The following PBX3 variants were observed in gnomAD, a reference collection of about 807,000 sequenced individuals.
PBX3 encodes PBX homeobox 3.
In PBX3, 14 loss-of-function variants were observed where a neutral mutation model predicts 48.5. The observed-to-expected ratio is 0.29, with a 90% CI of 0.19 to 0.45. PBX3 has a LOEUF of 0.45. Ranked by LOEUF, PBX3 falls within the 20% of genes least tolerant of loss-of-function variation. PBX3 has a pLI of 1.00. For missense variants in PBX3, 386 were observed against 546.7 expected, an observed-to-expected ratio of 0.71 and a Z score of 2.93; for synonymous variants, 210 against 200.3, an observed-to-expected ratio of 1.05 and a Z score of -0.41.
At chr9:125,777,860 G>T (rs1837118654) in intron 2 of PBX3, among the ~76,000 whole-genome samples, 1 of 151,524 alleles carries the variant, frequency 6.6e-6, no homozygotes, top group Non-Finnish European at 1.5e-5. Flanking sequence ...CTAATTTGTT[G>T]GTATATAATT....
Position 125,954,538 on chromosome 9 carries a change from TTTTG to T in PBX3, c.844-6134_844-6131del, listed in dbSNP as rs1385788605. On this transcript the variant is annotated intron_variant, in intron 5 of 8. Transcript: ENST00000373489. ...AGACTTGAAGAGCAAGTTTATGTTT[TTTTG>T]TTTGTTTGTTTTGAGACAGAGTCTC... Among the ~76,000 whole-genome samples, 23 of 152,198 alleles carry T rather than the reference TTTTG, an allele frequency of 1.5e-4. No individual in the cohort carries two copies. The East Asian group carries it at 4.5e-3, about 29-fold the overall frequency.
At chr9:125,807,055 G>A (rs2132113732) in intron 2 of PBX3, among the ~76,000 whole-genome samples, 1 of 152,366 alleles carries the variant, frequency 6.6e-6, no homozygotes, top group East Asian at 1.9e-4. Context: ...GGGCACAGTG[G>A]CCCATGCCTG....
At chr9:125,925,586 T>C (rs1841557645) in intron 3 of PBX3, among the ~76,000 whole-genome samples, 1 of 152,178 alleles carries the variant, frequency 6.6e-6, no homozygotes, top group Admixed American at 6.6e-5. Flanking sequence ...CCCAAGTAGC[T>C]GGGACCACAG....
intron 2 of PBX3, among the ~76,000 whole-genome samples, chr9:125,835,015 C>CAAAAAAAAAA (rs745638368): frequency 7.9e-5 from 2 of 25,170 alleles, no homozygotes; most frequent in Admixed American, 5.8e-4. Context: ...AACTCTGTCT[C>CAAAAAAAAAA]AAAAAAAAAA....
intron 2 of PBX3, among the ~76,000 whole-genome samples, chr9:125,869,461 A>G (rs947103005): frequency 6.6e-6 from 1 of 152,216 alleles, no homozygotes; most frequent in Non-Finnish European, 1.5e-5. Flanking sequence ...TAACATCACC[A>G]AGGAGTATTA....
intron 2 of PBX3, among the ~76,000 whole-genome samples, chr9:125,790,211 A>G (rs1311987122): frequency 1.3e-5 from 2 of 152,162 alleles, no homozygotes. Flanking sequence ...TCTGACAGAA[A>G]GCCATCCAAA....
At chr9:125,828,158 T>C (rs1217282052) in intron 2 of PBX3, among the ~76,000 whole-genome samples, 2 of 151,884 alleles carry the variant, frequency 1.3e-5, no homozygotes, top group East Asian at 1.9e-4. Flanking sequence ...ACCAACAAGA[T>C]AAACACAGAA....
At chr9:125,907,463 A>G (rs1841101117) in intron 2 of PBX3, among the ~76,000 whole-genome samples, 1 of 152,092 alleles carries the variant, frequency 6.6e-6, no homozygotes, top group Non-Finnish European at 1.5e-5. Context: ...TTTAATTAAA[A>G]AAAGACTTTA....
At chr9:125,801,825 A>ACACACG (rs61076982) in intron 2 of PBX3, among the ~76,000 whole-genome samples, 1 of 151,700 alleles carries the variant, frequency 6.6e-6, no homozygotes, top group Non-Finnish European at 1.5e-5. Context: ...ACACACACAC[A>ACACACG]TATTCTTAAC....
chr9:125,808,964 C>G (rs945953093), intron 2 of PBX3, among the ~76,000 whole-genome samples: 14 of 152,066 alleles, frequency 9.2e-5, no homozygotes, highest in Admixed American at 5.9e-4. Context: ...TTAGGAACAC[C>G]AGACAGCACT....
chr9:125,879,295 T>C (rs1840328123), intron 2 of PBX3, among the ~76,000 whole-genome samples: 1 of 152,016 alleles, frequency 6.6e-6, no homozygotes, highest in Non-Finnish European at 1.5e-5. Flanking sequence ...GCCAACCTGA[T>C]CTCGATCGAA....
At chr9:125,787,757 A>T (rs1299649533) in intron 2 of PBX3, among the ~76,000 whole-genome samples, 1 of 152,188 alleles carries the variant, frequency 6.6e-6, no homozygotes, top group Non-Finnish European at 1.5e-5. Flanking sequence ...TGAGGAATAA[A>T]TAGGTGGAGT....
intron 2 of PBX3, among the ~76,000 whole-genome samples, chr9:125,904,591 C>T (rs993936913): frequency 2.0e-5 from 3 of 151,662 alleles, no homozygotes; most frequent in African/African-American, 7.3e-5. Context: ...GTGAGGTTGC[C>T]GTTTTATTGC....
intron 7 of PBX3, 41 bp downstream of exon 7, chr9:125,962,255 G>A (rs569312148): frequency 8.4e-7 from 1 of 1,194,038 alleles, no homozygotes; most frequent in Non-Finnish European, 1.2e-6. Flanking sequence ...AGCAGGGTAG[G>A]GTTTGGGCTC....
intron 2 of PBX3, among the ~76,000 whole-genome samples, chr9:125,772,592 T>C (rs1277586214): frequency 6.6e-6 from 1 of 152,260 alleles, no homozygotes; most frequent in East Asian, 1.9e-4. Context: ...ACAAGTCACC[T>C]AATTTTTCCT....
intron 3 of PBX3, among the ~76,000 whole-genome samples, chr9:125,919,477 G>A (rs942935820): frequency 2.0e-5 from 3 of 151,298 alleles, no homozygotes; most frequent in East Asian, 1.9e-4. Flanking sequence ...CCAAAGGGCC[G>A]GGATTACAGG....
At chr9:125,908,146 G>C (rs1841118935) in intron 2 of PBX3, among the ~76,000 whole-genome samples, 1 of 152,142 alleles carries the variant, frequency 6.6e-6, no homozygotes, top group Non-Finnish European at 1.5e-5. Context: ...CACAAAGACA[G>C]AAAACATTTG....
intron 2 of PBX3, among the ~76,000 whole-genome samples, chr9:125,838,236 G>C (rs371717702): frequency 3.6e-4 from 55 of 152,164 alleles, no homozygotes; most frequent in Admixed American, 3.3e-4. Flanking sequence ...ATTTTTGGTA[G>C]AGACAGGGTC....
intron 3 of PBX3, among the ~76,000 whole-genome samples, chr9:125,916,480 A>C (rs1054539519): frequency 6.6e-6 from 1 of 152,200 alleles, no homozygotes; most frequent in Non-Finnish European, 1.5e-5. Context: ...AGGGAATGCT[A>C]GGCAAGGCAT....
Sources: allele counts gnomAD v4.1 joint callset (sites outside exome capture counted in the v4.1 genomes callset), GRCh38; gene constraint gnomAD v4.1.1; transcripts MANE v1.5; gene names NCBI Gene and HGNC (gene_info 2026-07-23, HGNC 2026-07-21).